Variants in SORCS3 observed in about 807,000 individuals in gnomAD.
SORCS3 encodes the protein VPS10 domain-containing receptor SorCS3.
In SORCS3, 57 loss-of-function variants were observed where a neutral mutation model predicts 146.3. The observed-to-expected ratio is 0.39, with a 90% CI of 0.31 to 0.49. The LOEUF (loss-of-function observed/expected upper bound fraction) is 0.49, where lower values mean the gene tolerates loss of function less well. Among genes scored for constraint, SORCS3 ranks in the 20% least tolerant of loss-of-function variants. The probability of loss-of-function intolerance (pLI) is 0.92; values close to 1 mark genes in which losing one functional copy is unlikely to be tolerated. For synonymous variants in SORCS3, 653 were observed against 618.5 expected (o/e 1.06, Z -0.83); for missense variants, 1,341 against 1,575.5 (o/e 0.85, Z 2.52).
chr10:104,957,893 C>T (rs1046756532), intron 3 of SORCS3, among the ~76,000 whole-genome samples: 5 of 152,148 alleles, frequency 3.3e-5, no homozygotes, highest in Admixed American at 1.3e-4. Context: ...AACCAAACAA[C>T]CAAAACACCC....
intron 1 of SORCS3, among the ~76,000 whole-genome samples, chr10:104,783,430 C>T (rs901075345): frequency 1.3e-5 from 2 of 152,176 alleles, no homozygotes; most frequent in Non-Finnish European, 2.9e-5. Context: ...GTCTAAACCT[C>T]TTCTCAAAAA....
At chr10:105,256,681 A>G (rs2056933347) in intron 24 of SORCS3, 138 bp from the exon 25 acceptor site, 1 of 645,452 alleles carries the variant, frequency 1.5e-6, no homozygotes, top group South Asian at 1.9e-5. Context: ...TTCTGCACCC[A>G]GATATCAGGC....
chr10:105,025,505 T>C (rs1204453850), intron 4 of SORCS3, among the ~76,000 whole-genome samples: 2 of 152,134 alleles, frequency 1.3e-5, no homozygotes, highest in Non-Finnish European at 2.9e-5. Flanking sequence ...TGACTGTGTG[T>C]TTGAGGCCAG....
At chr10:105,181,664 T>G (rs985547771) in intron 14 of SORCS3, among the ~76,000 whole-genome samples, 1 of 152,164 alleles carries the variant, frequency 6.6e-6, no homozygotes, top group Non-Finnish European at 1.5e-5. Flanking sequence ...CAGATGTTAT[T>G]ATTTAAACAT....
chr10:104,783,940 A>T (rs17772373), intron 1 of SORCS3, among the ~76,000 whole-genome samples: 2 of 152,174 alleles, frequency 1.3e-5, no homozygotes, highest in African/African-American at 4.8e-5. Context: ...AAATGCTCTG[A>T]GATAAAAGGA....
chr10:105,245,273 C>T (rs1160290424), intron 20 of SORCS3, among the ~76,000 whole-genome samples: 2 of 152,012 alleles, frequency 1.3e-5, no homozygotes, highest in African/African-American at 4.8e-5. Flanking sequence ...TACTTTGCCC[C>T]AGGAGAAGGA....
chr10:105,012,669 G>A (rs576273538), intron 4 of SORCS3, among the ~76,000 whole-genome samples: 1 of 152,234 alleles, frequency 6.6e-6, no homozygotes, highest in Non-Finnish European at 1.5e-5. Flanking sequence ...ACATATCTAT[G>A]AGGTTGACTT....
intron 4 of SORCS3, among the ~76,000 whole-genome samples, chr10:105,019,124 T>G (rs1352797856): frequency 6.6e-6 from 1 of 152,242 alleles, no homozygotes; most frequent in East Asian, 1.9e-4. Context: ...TGTCCCTCTT[T>G]GCCTCTTCCA....
Position 105,217,694 on chromosome 10 carries a change from A to G in SORCS3, c.2734+572A>G, listed in dbSNP as rs1343071917. On this transcript the variant is annotated intron_variant, in intron 19 of 26. Transcript: ENST00000369701. ...TCCAAAAATATTTTGTTGTGCTAGA[A>G]TCTATTTCATTGCTATTGGCTGTTG... 7 of 408,272 alleles carry G rather than the reference A, an allele frequency of 1.7e-5. 1 individual carries two copies. In the Admixed American group the frequency reaches 1.8e-4, roughly 10 times the overall value. 25.3% of individuals were successfully genotyped at this position (408,272 alleles called of 1,614,324 possible). A position where few individuals can be genotyped will look rare whatever the true frequency, so the allele number is the denominator to read the frequency against.
chr10:105,036,258 A>G (rs561379646), intron 4 of SORCS3, among the ~76,000 whole-genome samples: 2 of 152,080 alleles, frequency 1.3e-5, no homozygotes, highest in African/African-American at 2.4e-5. Context: ...ACCTGCGCCC[A>G]ACCCAGCAGA....
intron 4 of SORCS3, among the ~76,000 whole-genome samples, chr10:104,987,593 G>A (rs191943941): frequency 2.0e-5 from 3 of 152,018 alleles, no homozygotes; most frequent in African/African-American, 4.8e-5. Context: ...TTTCTTCAGC[G>A]TTTTTTTCAC....
At chr10:104,910,773 G>A (rs1018345511) in intron 2 of SORCS3, among the ~76,000 whole-genome samples, 19 of 152,374 alleles carry the variant, frequency 1.2e-4, no homozygotes, top group African/African-American at 4.1e-4. Context: ...GCACACACAC[G>A]TGACAGTGGA....
At chr10:104,758,202 C>G (rs2077636) in intron 1 of SORCS3, among the ~76,000 whole-genome samples, 1,638 of 129,600 alleles carry the variant, frequency 0.013, 82 homozygotes, top group Admixed American at 0.11. Context: ...TATATTGAGG[C>G]CTAATTAGGC....
intron 3 of SORCS3, among the ~76,000 whole-genome samples, chr10:104,953,422 A>G (rs2019454307): frequency 1.3e-5 from 2 of 152,206 alleles, no homozygotes; most frequent in South Asian, 2.1e-4. Flanking sequence ...TCATGTATAT[A>G]TTAGAATAAT....
At chr10:105,143,875 G>A (rs10884107) in intron 8 of SORCS3, among the ~76,000 whole-genome samples, 1 of 151,964 alleles carries the variant, frequency 6.6e-6, no homozygotes, top group African/African-American at 2.4e-5. Context: ...ATGGAGAACC[G>A]GCTTCCTTGG....
intron 1 of SORCS3, among the ~76,000 whole-genome samples, chr10:104,767,258 A>G (rs1237998622): frequency 6.6e-6 from 1 of 152,208 alleles, no homozygotes; most frequent in African/African-American, 2.4e-5. Flanking sequence ...ATACTTGAGT[A>G]GTGGGCAGTG....
At chr10:105,033,461 A>G (rs1175162432) in intron 4 of SORCS3, among the ~76,000 whole-genome samples, 4 of 152,220 alleles carry the variant, frequency 2.6e-5, no homozygotes, top group African/African-American at 4.8e-5. Context: ...CTCTAAGGCC[A>G]TGTTTATGAT....
At chr10:105,053,407 T>C (rs1293639140) in intron 5 of SORCS3, among the ~76,000 whole-genome samples, 1 of 151,988 alleles carries the variant, frequency 6.6e-6, no homozygotes, top group Non-Finnish European at 1.5e-5. Context: ...TACAAATGTA[T>C]TGTTTAAAAG....
intron 1 of SORCS3, among the ~76,000 whole-genome samples, chr10:104,763,658 T>C (rs369036828): frequency 6.6e-6 from 1 of 152,230 alleles, no homozygotes; most frequent in Admixed American, 6.5e-5. Flanking sequence ...CTAGATGATC[T>C]TGTGGCCAAC....
Sources: allele counts gnomAD v4.1 joint callset (sites outside exome capture counted in the v4.1 genomes callset), GRCh38; gene constraint gnomAD v4.1.1; transcripts MANE v1.5; gene names NCBI Gene and HGNC (gene_info 2026-07-23, HGNC 2026-07-21).